Variants in SALL1 observed in about 807,000 individuals in gnomAD.
SALL1 encodes sal-like protein 1.
A neutral mutation model predicts 73.1 loss-of-function variants in SALL1; 10 were observed. The observed-to-expected ratio is 0.14, with a 90% confidence interval of 0.08 to 0.23. The LOEUF (loss-of-function observed/expected upper bound fraction) is 0.23, where lower values mean the gene tolerates loss of function less well. Ranked by LOEUF, SALL1 falls within the 10% of genes least tolerant of loss-of-function variation. SALL1 has a pLI of 1.00. For missense variants in SALL1, 1,520 were observed against 1,697.3 expected, an observed-to-expected ratio of 0.90 and a Z score of 1.84; for synonymous variants, 688 against 689.8, an observed-to-expected ratio of 1.00 and a Z score of 0.04.
intron 1 of SALL1, among the ~76,000 whole-genome samples, chr16:51,147,140 T>C (rs1036598431): frequency 1.3e-5 from 2 of 152,088 alleles, no homozygotes; most frequent in Non-Finnish European, 2.9e-5. Context: ...AGAAAACAAA[T>C]AGAGCCCCCA....
chr16:51,139,329 C>T lies in SALL1; in HGVS notation c.2893G>A (p.Val965Met). The change falls in exon 2 of 3, where the codon GTG (valine) becomes ATG (methionine). Residue 965 changes from valine to methionine, a missense_variant. By Grantham distance (21) the Val-to-Met change is conservative (BLOSUM62 1). This residue lies in a region of SALL1 where 266 missense variants were observed against 275.1 expected (regional missense o/e 0.97). Coordinates refer to ENST00000251020, the MANE Select transcript of SALL1 (RefSeq NM_002968.3). ...EFANGLSPTPVNGGALDLTSS... is the reference protein window; with the variant it reads ...EFANGLSPTPMNGGALDLTSS... ...GTCAAATCCAAAGCCCCACCATTCA[C>T]TGGGGTGGGAGACAAACCATTGGCA... 6.2e-7 allele frequency: 1 copy of T among 1,614,132 alleles called. No homozygotes were observed.
intron 1 of SALL1, among the ~76,000 whole-genome samples, chr16:51,144,397 T>C (rs932855530): frequency 6.6e-6 from 1 of 152,190 alleles, no homozygotes; most frequent in African/African-American, 2.4e-5. Flanking sequence ...CAGTGGAAAA[T>C]ACTTTTCAAC....
rs559211964 is a variant in SALL1, at chr16:51,143,760, C to A, written c.77-1615G>T. On this transcript the variant is annotated intron_variant, in intron 1 of 2. Coordinates refer to ENST00000251020, the MANE Select transcript of SALL1 (RefSeq NM_002968.3). ...GAGTGATGCCGAAGTTGATTAGAAT[C>A]CCTGGTGAAGTATGCCAAACGTACG... Among the ~76,000 whole-genome samples the A allele has an allele frequency of 3.3e-5, 5 of 152,240 alleles. No homozygotes were observed. The East Asian group carries it at 9.6e-4, about 29-fold the overall frequency.
rs372562911 is a variant in SALL1, at chr16:51,140,806, G to A, written c.1416C>T (p.Thr472=). 17 of 1,614,046 alleles carry A rather than the reference G, an allele frequency of 1.1e-5. No homozygotes were observed. Among genetic ancestry groups the A allele is most frequent in the Admixed American group, 3.3e-5 (2 of 60,008 alleles). The change falls in exon 2 of 3, where the codon ACC becomes ACT. Residue 472 remains threonine (T), a synonymous_variant. Coordinates refer to ENST00000251020, the MANE Select transcript of SALL1 (RefSeq NM_002968.3). The surrounding 1 kb of genome is among the most constrained non-coding windows in gnomAD (Gnocchi z 5.7). ...TGTTGCACTTGAATGGCCTCTCTCC[G>A]GTATGGGAACGCAAGTGGATCTGCA... ...SALQIHLRSH[T]GERPFKCNIC... is the part of the protein sequence containing the mutation.
At position 51,139,827 on chromosome 16, in the gene SALL1, G is replaced by A. The variant is rs267604571; in HGVS notation, c.2395C>T (p.Pro799Ser). ...MGGQIPNTPV[P>S]DSYSESMESD... is the part of the protein sequence containing the mutation. ...TCCATGGACTCAGAGTAGCTGTCGGGGACTGGGGTGTTGGGGATCTGGCCT... is the reference window on the plus strand; with the variant it reads ...TCCATGGACTCAGAGTAGCTGTCGGAGACTGGGGTGTTGGGGATCTGGCCT... The change falls in exon 2 of 3, where the codon CCC becomes TCC. Residue 799 changes from proline (P) to serine (S), a missense_variant. By Grantham distance (74) the Pro-to-Ser change is moderately conservative (BLOSUM62 -1). Coordinates refer to ENST00000251020, the MANE Select transcript of SALL1 (RefSeq NM_002968.3). 1.9e-6 allele frequency: 3 copies of A among 1,614,168 alleles called. No individual in the cohort carries two copies. The highest frequency in any genetic ancestry group is 2.5e-6 in the Non-Finnish European group (3 of 1,180,034).
intron 2 of SALL1, among the ~76,000 whole-genome samples, chr16:51,137,987 C>G (rs1288781265): frequency 6.6e-6 from 1 of 152,196 alleles, no homozygotes; most frequent in Non-Finnish European, 1.5e-5. Flanking sequence ...AGGTATCCCT[C>G]CCTGATTGCC....
Position 51,141,810 on chromosome 16 carries a change from C to CGCTGCCGCTTTT in SALL1, c.400_411dup (p.Lys134_Ser137dup), listed in dbSNP as rs750817837. 8.1e-6 allele frequency: 13 copies of CGCTGCCGCTTTT among 1,613,704 alleles called. No individual in the cohort carries two copies. The Admixed American group carries it at 2.2e-4, about 27-fold the overall frequency. On this transcript the variant is annotated inframe_insertion, in exon 2 of 3. Transcript: ENST00000251020. This position sits in a 1 kb window ranked among gnomAD's most constrained non-coding sequence, Gnocchi z 5.4. ...CTGCTGTGGCTGCCGCTGGAAGTGC[C>CGCTGCCGCTTTT]GCTGCCGCTTTTGTTAGCAACCGGG...
chr16:51,150,563 A>C (rs1962582721), intron 1 of SALL1: 1 of 986,022 alleles, frequency 1.0e-6, no homozygotes, highest in Non-Finnish European at 1.2e-6. Context: ...CCCCGACACC[A>C]GTCCCCATCT....
chr16:51,152,014 A>G (rs1364326029), upstream of SALL1: 1 of 73,184 alleles, frequency 1.4e-5, no homozygotes, highest in African/African-American at 7.8e-5. Flanking sequence ...CACCCCCATT[A>G]AAAAAAAAAA....
rs369940056 is a variant in SALL1 at position 51,141,079 on chromosome 16, G to C, written c.1143C>G (p.Ser381Arg). 1 of 1,614,104 alleles carries C rather than the reference G, an allele frequency of 6.2e-7. No individual in the cohort carries two copies. The highest frequency in any genetic ancestry group is 1.3e-5 in the African/African-American group (1 of 74,926). ...GATTAGACGCAGGACTTAATAAACT[G>C]CTTATTGCAAAAGCTGGTGAGGACG... ...SSSSSPAFAI[S>R]SLLSPASNPL... Residue 381 changes from serine (S) to arginine (R), a missense_variant, in exon 2 of 3, where the codon AGC becomes AGG. By Grantham distance (110) the Ser-to-Arg change is moderately radical (BLOSUM62 -1). Coordinates refer to ENST00000251020, the MANE Select transcript of SALL1 (RefSeq NM_002968.3). This position sits in a 1 kb window ranked among gnomAD's most constrained non-coding sequence, Gnocchi z 5.4.
Position 51,140,084 on chromosome 16 carries a change from C to T in SALL1, c.2138G>A (p.Arg713Gln), listed in dbSNP as rs1279571544. 6.2e-7 allele frequency: 1 copy of T among 1,614,218 alleles called. No individual in the cohort carries two copies. The highest frequency in any genetic ancestry group is 1.1e-5 in the South Asian group (1 of 91,082). ...CAAGGCGCTCTGGCAGCTGAGAACC[C>T]GGTGGCAGATGATGCACTCATTGGG... ...TDPNECIICH[R>Q]VLSCQSALKM... The change falls in exon 2 of 3, where the codon CGG becomes CAG. Residue 713 changes from arginine (R) to glutamine (Q), a missense_variant. Arg to Gln is a conservative substitution (Grantham distance 43, BLOSUM62 1). Around this residue, in one of 7 missense-constraint regions of SALL1, gnomAD observed 77 missense variants for 117.2 expected, o/e 0.66. Coordinates refer to ENST00000251020, the MANE Select transcript of SALL1 (RefSeq NM_002968.3). The surrounding 1 kb of genome is among the most constrained non-coding windows in gnomAD (Gnocchi z 5.7).
At position 51,141,777 on chromosome 16, in the gene SALL1, G is replaced by A; in HGVS notation, c.445C>T (p.Pro149Ser). Residue 149 changes from proline to serine, a missense_variant, in exon 2 of 3, where the codon CCA becomes TCA. By Grantham distance (74) the Pro-to-Ser change is moderately conservative. This residue lies in a region of SALL1 where 540 missense variants were observed against 567.5 expected (regional missense o/e 0.95). Coordinates refer to ENST00000251020, the MANE Select transcript of SALL1 (RefSeq NM_002968.3). This position sits in a 1 kb window ranked among gnomAD's most constrained non-coding sequence, Gnocchi z 5.4. ...TSSGSHSSTAPSSSSSSSSSS... is the reference protein window; with the variant it reads ...TSSGSHSSTASSSSSSSSSSS... ...CTGCTGCTGCTGCTGCTGCTGCTTG[G>A]GGCGGTACTGCTGTGGCTGCCGCTG... 1 of 1,605,172 alleles carries A rather than the reference G, an allele frequency of 6.2e-7. No individual in the cohort carries two copies. Among genetic ancestry groups the A allele is most frequent in the Non-Finnish European group, 8.5e-7 (1 of 1,176,184 alleles).
intron 1 of SALL1, chr16:51,150,335 C>G (rs1962578149): frequency 6.6e-6 from 6 of 905,590 alleles, no homozygotes; most frequent in Non-Finnish European, 7.9e-6. Context: ...TCCCTGACCC[C>G]CCTGGAAGTA....
rs773784402 is a variant in SALL1 at position 51,138,849 on chromosome 16, C to A, written c.3373G>T (p.Ala1125Ser). The change falls in exon 2 of 3, where the codon GCT becomes TCT. Residue 1125 changes from alanine (A) to serine (S), a missense_variant. Ala to Ser is a moderately conservative substitution (Grantham distance 99). This residue lies in a region of SALL1 where 318 missense variants were observed against 357.1 expected (regional missense o/e 0.89). Coordinates refer to ENST00000251020, the MANE Select transcript of SALL1 (RefSeq NM_002968.3). ...TGCTTGGGAGTTCTCCTGGGCAGAGCAGGGAGCAGAACTGGGGATGTGGCA... is the reference window on the plus strand; with the variant it reads ...TGCTTGGGAGTTCTCCTGGGCAGAGAAGGGAGCAGAACTGGGGATGTGGCA... ...SSATSPVLLP[A>S]LPRRTPKQHY... 1.2e-5 allele frequency: 19 copies of A among 1,614,090 alleles called. No homozygotes were observed. The highest frequency in any genetic ancestry group is 1.6e-5 in the Non-Finnish European group (19 of 1,180,050).
chr16:51,139,028 G>A lies in SALL1; in HGVS notation c.3194C>T (p.Ser1065Phe). 3 of 1,614,186 alleles carry A rather than the reference G, an allele frequency of 1.9e-6. No individual in the cohort carries two copies. The highest frequency in any genetic ancestry group is 2.2e-5 in the South Asian group (2 of 91,084). ...TGAGTTCTGATTGGGGCCAAGGTTG[G>A]AACTGGGCTCAAAGAGCTGGGATGG... ...DLPSQLFEPS[S>F]NLGPNQNSAV... Residue 1065 changes from serine to phenylalanine, a missense_variant, in exon 2 of 3, where the codon TCC becomes TTC. This residue lies in a region of SALL1 where 318 missense variants were observed against 357.1 expected (regional missense o/e 0.89). Coordinates refer to ENST00000251020, the MANE Select transcript of SALL1 (RefSeq NM_002968.3).
chr16:51,151,169 C>A lies in SALL1; in HGVS notation c.73G>T (p.Asp25Tyr). Residue 25 changes from aspartate (D) to tyrosine (Y), a missense_variant, in exon 1 of 3, where the codon GAT becomes TAT. This residue lies in a region of SALL1 where 540 missense variants were observed against 567.5 expected (regional missense o/e 0.95). Coordinates refer to ENST00000251020, the MANE Select transcript of SALL1 (RefSeq NM_002968.3). ...CGGCGCGGGCCGGAGCACTCACCATCTCGCCGGGGGAGCGAGGCCACTTCG... is the reference window on the plus strand; with the variant it reads ...CGGCGCGGGCCGGAGCACTCACCATATCGCCGGGGGAGCGAGGCCACTTCG... ...DPEVASLPRR[D>Y]GDTEKGQPSR... 6.3e-7 allele frequency: 1 copy of A among 1,596,012 alleles called. No individual in the cohort carries two copies. The highest frequency in any genetic ancestry group is 2.3e-5 in the East Asian group (1 of 44,060).
intron 1 of SALL1, among the ~76,000 whole-genome samples, chr16:51,145,672 A>G (rs1414434545): frequency 1.3e-5 from 2 of 152,182 alleles, no homozygotes; most frequent in Non-Finnish European, 2.9e-5. Context: ...CAGAGTCGGA[A>G]GCAGAAAATT....
intron 1 of SALL1, among the ~76,000 whole-genome samples, chr16:51,145,525 T>TG (rs540328192): frequency 1.2e-3 from 185 of 152,074 alleles, no homozygotes; most frequent in African/African-American, 4.2e-3. Context: ...GGCCTTTTGT[T>TG]GGGGGGGCGG....
rs1385759654 is a variant in SALL1 at position 51,136,585 on chromosome 16, T to C, written c.*527A>G. 1 of 154,600 alleles carries C rather than the reference T, an allele frequency of 6.5e-6. No individual in the cohort carries two copies. The highest frequency in any genetic ancestry group is 2.4e-5 in the African/African-American group (1 of 41,472). The allele number at this position is 154,600 out of a possible 1,614,324, so 9.6% of individuals were successfully genotyped here. On this transcript the variant is annotated 3_prime_UTR_variant, in exon 3 of 3. Transcript: ENST00000251020. Reference sequence around the variant, plus strand: ...AACCAAACCTTTCAAAGAACCACACTGTTCAGTCTGTACTTTCAGTCCTTT... The same window carrying C: ...AACCAAACCTTTCAAAGAACCACACCGTTCAGTCTGTACTTTCAGTCCTTT...
Sources: gnomAD v4.1 joint callset for allele counts (sites outside exome capture counted in the v4.1 genomes callset) on GRCh38, gnomAD v4.1.1 for gene constraint, gnomAD v4.1.1 regional missense constraint, Gnocchi (gnomAD v3.1) non-coding constraint, MANE v1.5 for transcripts, NCBI Gene and HGNC (gene_info 2026-07-23, HGNC 2026-07-21) for gene names.